Variants in IL23R observed in about 807,000 individuals in gnomAD.
The protein encoded by IL23R is interleukin-23 receptor.
In IL23R, 34 loss-of-function variants were observed where a neutral mutation model predicts 56.9. That is an observed-to-expected ratio of 0.60 (90% CI 0.45 to 0.80). The LOEUF (loss-of-function observed/expected upper bound fraction) is 0.80, where lower values mean the gene tolerates loss of function less well. Ranked by LOEUF, IL23R falls within the 30% of genes least tolerant of loss-of-function variation. The pLI is 0.00. For synonymous variants in IL23R, 230 were observed against 249.2 expected (o/e 0.92, Z 0.73); for missense variants, 635 against 730.0 (o/e 0.87, Z 1.50).
chr1:67,231,037 T>TA (rs1289880616), intron 7 of IL23R, among the ~76,000 whole-genome samples: 31 of 151,056 alleles, frequency 2.1e-4, no homozygotes, highest in African/African-American at 5.6e-4. Context: ...TCCAATGATT[T>TA]AAAAAAAAAC....
At chr1:67,146,804 T>G (rs1475588702) in intron 1 of IL23R, among the ~76,000 whole-genome samples, 1 of 152,202 alleles carries the variant, frequency 6.6e-6, no homozygotes, top group Non-Finnish European at 1.5e-5. Context: ...CATTTATCAG[T>G]GCAGGATACC....
rs148931826 is a variant in IL23R, at chr1:67,238,016, C to G, written c.1045+1214C>G. 9.6e-3 allele frequency among the ~76,000 whole-genome samples: 1,462 copies of G among 152,148 alleles called. 26 individuals carry two copies. The highest frequency in any genetic ancestry group is 0.033 in the African/African-American group (1,365 of 41,518). ...CAGGGCAGAAAAACAGCAAACAAAA[C>G]AAGAAGAAAAGTCAGGTGGTGGTGA... On this transcript the variant is annotated intron_variant, in intron 8 of 10. Transcript: ENST00000347310.
chr1:67,181,531 C>T (rs1260107561), intron 3 of IL23R, among the ~76,000 whole-genome samples: 7 of 152,106 alleles, frequency 4.6e-5, no homozygotes, highest in Non-Finnish European at 7.4e-5. Context: ...GTTAGCCATC[C>T]GTCTAATCTT....
intron 1 of IL23R, among the ~76,000 whole-genome samples, chr1:67,161,007 T>A (rs1477424323): frequency 6.6e-6 from 1 of 152,242 alleles, no homozygotes; most frequent in Non-Finnish European, 1.5e-5. Context: ...ATACCAATTT[T>A]CCATCCAAAC....
chr1:67,158,723 C>T (rs1052178179), intron 1 of IL23R, among the ~76,000 whole-genome samples: 12 of 151,898 alleles, frequency 7.9e-5, no homozygotes, highest in Admixed American at 7.9e-4. Context: ...CATCTCTTAC[C>T]TCAAAAGTAG....
chr1:67,263,884 T>G (rs1337587289), downstream of IL23R, among the ~76,000 whole-genome samples: 1 of 149,594 alleles, frequency 6.7e-6, no homozygotes, highest in Non-Finnish European at 1.5e-5. Flanking sequence ...AAAAGCAATC[T>G]GTTGTAGAAT....
intron 10 of IL23R, among the ~76,000 whole-genome samples, chr1:67,258,086 A>G (rs1312437647): frequency 6.6e-6 from 1 of 152,106 alleles, no homozygotes; most frequent in Non-Finnish European, 1.5e-5. Flanking sequence ...TAAGCAACAA[A>G]GTATTTTCTT....
downstream of IL23R, among the ~76,000 whole-genome samples, chr1:67,261,686 T>G (rs1199660746): frequency 2.0e-5 from 3 of 152,166 alleles, no homozygotes; most frequent in Non-Finnish European, 4.4e-5. Flanking sequence ...AACAAAAGAC[T>G]AAGATAAATC....
At chr1:67,166,335 C>T (rs773515254), upstream of IL23R, 5 of 152,304 alleles carry the variant, frequency 3.3e-5, no homozygotes, top group Non-Finnish European at 7.3e-5. Flanking sequence ...GACACGAGAG[C>T]CAGTCATTTC....
At chr1:67,200,218 A>G (rs1220706760) in intron 4 of IL23R, among the ~76,000 whole-genome samples, 1 of 151,442 alleles carries the variant, frequency 6.6e-6, no homozygotes, top group Non-Finnish European at 1.5e-5. Flanking sequence ...TTCTTTTTGT[A>G]TTTTTGGTAG....
At chr1:67,154,055 A>C (rs1646752111) in intron 1 of IL23R, among the ~76,000 whole-genome samples, 2 of 152,252 alleles carry the variant, frequency 1.3e-5, no homozygotes, top group Non-Finnish European at 2.9e-5. Context: ...GGCGTGAGCC[A>C]CTGCGCCCGG....
At chr1:67,205,571 A>G (rs190354888) in intron 5 of IL23R, among the ~76,000 whole-genome samples, 27 of 152,370 alleles carry the variant, frequency 1.8e-4, no homozygotes, top group Admixed American at 5.9e-4. Context: ...ACAAGTATTT[A>G]CACAGTTTAG....
chr1:67,195,519 A>G (rs1648080059), intron 4 of IL23R, among the ~76,000 whole-genome samples: 1 of 152,190 alleles, frequency 6.6e-6, no homozygotes. Flanking sequence ...ACAACTTATC[A>G]AGGGGCAGAG....
intron 1 of IL23R, among the ~76,000 whole-genome samples, chr1:67,143,800 A>ATTTTTATTGAACCCCCTTCAC (rs1553279410): frequency 1.3e-5 from 2 of 152,220 alleles, no homozygotes; most frequent in Non-Finnish European, 2.9e-5. Context: ...GACTGAGGGA[A>ATTTTTATTGAACCCCCTTCAC]TCTAGGCAGG....
chr1:67,236,717 C>T lies in IL23R; in HGVS notation c.960C>T (p.Pro320=). 6.2e-7 allele frequency: 1 copy of T among 1,611,460 alleles called. No individual in the cohort carries two copies. ...ACTCTTTCCTTTTGGTTTAAGTTCC[C>T]CAGGTCACATCAAAAGCATTCCAAC... The part of the protein sequence containing the change: ...LFFHKTPETV[P]QVTSKAFQHD... Residue 320 remains proline (P), a synonymous_variant, in exon 8 of 11, where the codon CCC becomes CCT. Transcript: ENST00000347310.
intron 4 of IL23R, among the ~76,000 whole-genome samples, chr1:67,184,280 T>C (rs1570803788): frequency 2.0e-5 from 3 of 151,146 alleles, no homozygotes; most frequent in Non-Finnish European, 4.4e-5. Flanking sequence ...GCGCGGTGGC[T>C]CCCGCCTGTA....
chr1:67,227,956 T>TTCTTTCTTTC (rs1650750479), intron 7 of IL23R, among the ~76,000 whole-genome samples: 1 of 7,156 alleles, frequency 1.4e-4, no homozygotes, highest in Non-Finnish European at 4.4e-4. Context: ...CTTTCTTTCT[T>TTCTTTCTTTC]TCTTTCTTTC....
intron 3 of IL23R, among the ~76,000 whole-genome samples, chr1:67,170,784 C>A (rs1435736126): frequency 3.3e-5 from 5 of 152,148 alleles, no homozygotes; most frequent in African/African-American, 1.2e-4. Context: ...AGCTGGGGGG[C>A]AGACCCATAT....
At chr1:67,227,957 T>C (rs561032088) in intron 7 of IL23R, among the ~76,000 whole-genome samples, 2,675 of 9,496 alleles carry the variant, frequency 0.28, 584 homozygotes, top group African/African-American at 0.54. Flanking sequence ...TTTCTTTCTT[T>C]CTTTCTTTCT....
Sources: allele counts gnomAD v4.1 joint callset (sites outside exome capture counted in the v4.1 genomes callset), GRCh38; gene constraint gnomAD v4.1.1; transcripts MANE v1.5; gene names NCBI Gene and HGNC (gene_info 2026-07-23, HGNC 2026-07-21).